Variants in GRID2 observed in about 807,000 individuals in gnomAD.
The protein encoded by GRID2 is glutamate ionotropic receptor delta type subunit 2.
A neutral mutation model predicts 114.8 loss-of-function variants in GRID2; 33 were observed. The observed-to-expected ratio is 0.29, with a 90% CI of 0.22 to 0.38. The LOEUF is 0.38. Among genes scored for constraint, GRID2 ranks in the 10% least tolerant of loss-of-function variants. The pLI, the probability that GRID2 is intolerant of heterozygous loss-of-function variation, is 1.00. For synonymous variants in GRID2, 505 were observed against 449.9 expected, an observed-to-expected ratio of 1.12 and a Z score of -1.55; for missense variants, 1,184 against 1,257.7, an observed-to-expected ratio of 0.94 and a Z score of 0.89.
intron 14 of GRID2, among the ~76,000 whole-genome samples, chr4:93,730,257 A>C (rs1273955367): frequency 2.6e-5 from 4 of 152,206 alleles, no homozygotes; most frequent in Non-Finnish European, 5.9e-5. Flanking sequence ...AAGACAAACA[A>C]GGGATGTAGA....
At chr4:93,117,051 C>A (rs1733337365) in intron 4 of GRID2, among the ~76,000 whole-genome samples, 1 of 152,112 alleles carries the variant, frequency 6.6e-6, no homozygotes, top group Admixed American at 6.6e-5. Flanking sequence ...AAAATGTATT[C>A]ATTCTAACTT....
chr4:92,336,975 T>TTC (rs1553925062), intron 1 of GRID2, among the ~76,000 whole-genome samples: 19 of 146,240 alleles, frequency 1.3e-4, no homozygotes, highest in Non-Finnish European at 2.4e-4. Flanking sequence ...TTTTTTTTTT[T>TTC]CATGAATTTT....
At chr4:93,175,498 T>C (rs908680893) in intron 4 of GRID2, among the ~76,000 whole-genome samples, 1 of 152,010 alleles carries the variant, frequency 6.6e-6, no homozygotes, top group African/African-American at 2.4e-5. Context: ...AAACATCTTT[T>C]CATGTGGGCC....
chr4:93,586,661 G>C (rs1030217794), intron 13 of GRID2, among the ~76,000 whole-genome samples: 1 of 152,052 alleles, frequency 6.6e-6, no homozygotes, highest in Non-Finnish European at 1.5e-5. Context: ...ATTTACTCAA[G>C]ACTACTGAGC....
At chr4:92,477,065 G>GTGTGTGTGTGTGTGTT (rs1469989989) in intron 1 of GRID2, among the ~76,000 whole-genome samples, 3 of 147,814 alleles carry the variant, frequency 2.0e-5, no homozygotes, top group Non-Finnish European at 4.5e-5. Context: ...GTGTGTGTGT[G>GTGTGTGTGTGTGTGTT]TGTGTGTGTG....
intron 8 of GRID2, among the ~76,000 whole-genome samples, chr4:93,310,099 G>T (rs1365458393): frequency 6.6e-6 from 1 of 152,050 alleles, no homozygotes; most frequent in African/African-American, 2.4e-5. Flanking sequence ...GTTTTATCTT[G>T]TTTGTTTATT....
chr4:92,507,526 C>G (rs549567317), intron 1 of GRID2, among the ~76,000 whole-genome samples: 185 of 151,110 alleles, frequency 1.2e-3, no homozygotes, highest in South Asian at 0.011. Context: ...CCTCATAACC[C>G]CTATGTAGTT....
chr4:92,998,110 T>A (rs1198791870), intron 2 of GRID2, among the ~76,000 whole-genome samples: 3 of 152,022 alleles, frequency 2.0e-5, no homozygotes, highest in African/African-American at 7.2e-5. Flanking sequence ...GGGTTGACAG[T>A]TCATACTCTA....
chr4:92,618,966 G>A (rs1174583408), intron 2 of GRID2, among the ~76,000 whole-genome samples: 2 of 151,624 alleles, frequency 1.3e-5, no homozygotes, highest in Non-Finnish European at 2.9e-5. Context: ...TTCTGAGAGT[G>A]GGGACAATAT....
intron 9 of GRID2, among the ~76,000 whole-genome samples, chr4:93,407,381 GA>G (rs11285364): frequency 0.19 from 28,396 of 152,006 alleles, 4,484 homozygotes; most frequent in African/African-American, 0.43. Flanking sequence ...GGAAGTCCCA[GA>G]AATGGAAAAG....
At chr4:92,820,385 A>G (rs1478860657) in intron 2 of GRID2, among the ~76,000 whole-genome samples, 1 of 152,170 alleles carries the variant, frequency 6.6e-6, no homozygotes. Flanking sequence ...ATTTAAGCTG[A>G]AAGTCAGAGA....
chr4:92,742,889 C>T (rs1736961581), intron 2 of GRID2, among the ~76,000 whole-genome samples: 1 of 152,118 alleles, frequency 6.6e-6, no homozygotes, highest in Admixed American at 6.6e-5. Flanking sequence ...GAGCAAAGGG[C>T]TATGTGTAGT....
At chr4:92,943,997 G>A (rs973596103) in intron 2 of GRID2, among the ~76,000 whole-genome samples, 10 of 152,254 alleles carry the variant, frequency 6.6e-5, no homozygotes, top group African/African-American at 2.2e-4. Context: ...TGCCCCTACT[G>A]GGGGGTGCCT....
intron 8 of GRID2, among the ~76,000 whole-genome samples, chr4:93,266,902 G>A (rs190184775): frequency 7.9e-5 from 12 of 152,170 alleles, no homozygotes; most frequent in East Asian, 1.9e-4. Context: ...TTCTTGGACC[G>A]TGTACTCATC....
At chr4:93,563,086 C>G (rs1735076572) in intron 13 of GRID2, among the ~76,000 whole-genome samples, 1 of 151,954 alleles carries the variant, frequency 6.6e-6, no homozygotes, top group Admixed American at 6.6e-5. Flanking sequence ...ATGTAAATGT[C>G]CAACCATTTG....
At chr4:93,420,195 G>T (rs1224264080) in intron 9 of GRID2, among the ~76,000 whole-genome samples, 2 of 152,138 alleles carry the variant, frequency 1.3e-5, no homozygotes, top group Non-Finnish European at 2.9e-5. Flanking sequence ...TGAGTTGCAT[G>T]TAAGGAAATC....
chr4:92,443,705 A>C (rs1055648477), intron 1 of GRID2, among the ~76,000 whole-genome samples: 1 of 152,010 alleles, frequency 6.6e-6, no homozygotes, highest in African/African-American at 2.4e-5. Flanking sequence ...AGGGGTAGAG[A>C]CAAGGAGAGA....
At chr4:93,587,710 A>G (rs766820448) in intron 13 of GRID2, among the ~76,000 whole-genome samples, 17 of 151,964 alleles carry the variant, frequency 1.1e-4, no homozygotes, top group Non-Finnish European at 2.4e-4. Context: ...TAGATATTTT[A>G]CTCCAATGGT....
intron 2 of GRID2, among the ~76,000 whole-genome samples, chr4:92,882,742 T>G (rs1466692994): frequency 1.3e-5 from 2 of 152,194 alleles, no homozygotes; most frequent in Non-Finnish European, 2.9e-5. Context: ...CATATAAAAG[T>G]TGTGTTTAAA....
Sources: allele counts gnomAD v4.1 joint callset (sites outside exome capture counted in the v4.1 genomes callset), GRCh38; gene constraint gnomAD v4.1.1; transcripts MANE v1.5; gene names NCBI Gene and HGNC (gene_info 2026-07-23, HGNC 2026-07-21).